PLEKHA7: variants seen among roughly 807,000 people sequenced by gnomAD.
The protein encoded by PLEKHA7 is pleckstrin homology domain-containing family A member 7.
A neutral mutation model predicts 170.0 loss-of-function variants in PLEKHA7; 104 were observed. The ratio of observed to expected loss-of-function variants is 0.61; its 90% CI spans 0.52 to 0.72. PLEKHA7 has a LOEUF of 0.72. PLEKHA7 is among the 30% of genes least tolerant of loss of function. PLEKHA7 has a pLI of 0.00. For missense variants in PLEKHA7, 1,615 were observed against 1,671.7 expected, an observed-to-expected ratio of 0.97 and a Z score of 0.59; for synonymous variants, 648 against 660.8, an observed-to-expected ratio of 0.98 and a Z score of 0.30.
chr11:16,797,296 C>G (rs1181684634), intron 17 of PLEKHA7, among the ~76,000 whole-genome samples: 1 of 152,056 alleles, frequency 6.6e-6, no homozygotes, highest in Non-Finnish European at 1.5e-5. Flanking sequence ...CTTGGTCCCA[C>G]CCCATGGACT....
At chr11:16,844,897 T>C (rs763782518) in intron 8 of PLEKHA7, among the ~76,000 whole-genome samples, 3 of 152,224 alleles carry the variant, frequency 2.0e-5, no homozygotes, top group South Asian at 2.1e-4. Flanking sequence ...GAATCATTTA[T>C]TGAGTATTTA....
intron 3 of PLEKHA7, among the ~76,000 whole-genome samples, chr11:16,925,772 G>A (rs1477660611): frequency 1.3e-5 from 2 of 152,244 alleles, no homozygotes; most frequent in Non-Finnish European, 2.9e-5. Flanking sequence ...ATCAAAGCAC[G>A]TGGCGCAGCG....
intron 3 of PLEKHA7, among the ~76,000 whole-genome samples, chr11:16,879,117 C>A (rs558697788): frequency 6.6e-6 from 1 of 152,122 alleles, no homozygotes; most frequent in Non-Finnish European, 1.5e-5. Context: ...ATCTCCTTTG[C>A]GTGAACTGGG....
In PLEKHA7 at chr11:16,868,385, C is replaced by T. The variant is rs560536178; in HGVS notation, c.305+2714G>A. 1.1e-4 allele frequency among the ~76,000 whole-genome samples: 17 copies of T among 152,196 alleles called. No homozygotes were observed. The East Asian group carries it at 3.3e-3, about 29-fold the overall frequency. ...CTAATCTGTAAAATGAGAAACTATC[C>T]TTTGAGGGGCATGCACACATTATTC... On this transcript the variant is annotated intron_variant, in intron 4 of 26. Coordinates refer to ENST00000531066, the MANE Select transcript of PLEKHA7 (RefSeq NM_001329630.2).
At chr11:16,953,038 G>A (rs564028369) in intron 3 of PLEKHA7, among the ~76,000 whole-genome samples, 5 of 152,388 alleles carry the variant, frequency 3.3e-5, no homozygotes, top group Admixed American at 6.5e-5. Context: ...GTCAGCCCAA[G>A]ATTTGGGGAA....
At chr11:16,844,189 C>A (rs1852201358) in intron 8 of PLEKHA7, among the ~76,000 whole-genome samples, 2 of 152,150 alleles carry the variant, frequency 1.3e-5, no homozygotes, top group Non-Finnish European at 2.9e-5. Context: ...ATTCATGGAG[C>A]CAGCCTTGTC....
chr11:16,853,259 G>C (rs1306765702), intron 6 of PLEKHA7, among the ~76,000 whole-genome samples: 1 of 152,168 alleles, frequency 6.6e-6, no homozygotes, highest in Non-Finnish European at 1.5e-5. Flanking sequence ...TTTTTGACAA[G>C]CTTGAAAAAC....
intron 25 of PLEKHA7, 118 bp downstream of exon 25, chr11:16,783,582 C>T: frequency 4.3e-6 from 5 of 1,161,034 alleles, no homozygotes; most frequent in Non-Finnish European, 5.6e-6. Context: ...GTAGGGCTTA[C>T]CTGAGACGAA....
intron 6 of PLEKHA7, among the ~76,000 whole-genome samples, chr11:16,853,620 T>C (rs1422664381): frequency 1.3e-5 from 2 of 152,210 alleles, no homozygotes; most frequent in African/African-American, 4.8e-5. Context: ...AATACTTCCC[T>C]CTCTCTCCAT....
chr11:16,989,300 G>GT (rs764161384), intron 3 of PLEKHA7, among the ~76,000 whole-genome samples: 1 of 152,154 alleles, frequency 6.6e-6, no homozygotes, highest in Non-Finnish European at 1.5e-5. Flanking sequence ...TCCTGGTCCT[G>GT]TCACTTATTT....
At chr11:16,867,462 AAAAG>A (rs1854484734) in intron 4 of PLEKHA7, among the ~76,000 whole-genome samples, 2 of 152,210 alleles carry the variant, frequency 1.3e-5, no homozygotes, top group Non-Finnish European at 2.9e-5. Flanking sequence ...TTGGAGAAGA[AAAAG>A]AAAGGAGCCA....
chr11:16,889,420 A>AAAAAATATATATAT (rs61086849), intron 3 of PLEKHA7, among the ~76,000 whole-genome samples: 1 of 74,666 alleles, frequency 1.3e-5, no homozygotes, highest in African/African-American at 6.3e-5. Context: ...AAAAAAAAAA[A>AAAAAATATATATAT]ATATATATAT....
intron 3 of PLEKHA7, among the ~76,000 whole-genome samples, chr11:16,947,388 C>G (rs945973932): frequency 3.3e-5 from 5 of 151,680 alleles, no homozygotes; most frequent in African/African-American, 1.2e-4. Flanking sequence ...GTCAGGAGTT[C>G]GAGACCAGCC....
chr11:16,966,359 A>G (rs891930927), intron 3 of PLEKHA7, among the ~76,000 whole-genome samples: 16 of 151,886 alleles, frequency 1.1e-4, no homozygotes, highest in African/African-American at 3.6e-4. Flanking sequence ...GAAACACCCC[A>G]GGTATCTCAC....
At chr11:16,803,319 A>G in intron 13 of PLEKHA7, 24 bp from the exon 14 acceptor site, 1 of 1,596,814 alleles carries the variant, frequency 6.3e-7, no homozygotes, top group Non-Finnish European at 8.6e-7. Context: ...AATTTAAAAG[A>G]GATTTAACCA....
chr11:17,013,896 C>A, intron 3 of PLEKHA7, 93 bp downstream of exon 3: 1 of 1,351,026 alleles, frequency 7.4e-7, no homozygotes, highest in Non-Finnish European at 9.7e-7. Context: ...CCCGGGCCGG[C>A]GGGAGCAGAG....
intron 15 of PLEKHA7, 85 bp from the exon 16 acceptor site, chr11:16,801,902 T>C: frequency 6.4e-7 from 1 of 1,552,152 alleles, no homozygotes; most frequent in Non-Finnish European, 8.8e-7. Context: ...CCAAAGCTAC[T>C]GGACCTAACC....
Position 16,791,885 on chromosome 11 carries a change from T to G in PLEKHA7, c.2746-686A>C, listed in dbSNP as rs887272072. ...CCACAGTGTTCTGTGAGGGCTGTGG[T>G]TCCTCTACATATCAACAGACCGGCC... On this transcript the variant is annotated intron_variant, in intron 19 of 26. Coordinates refer to ENST00000531066, the MANE Select transcript of PLEKHA7 (RefSeq NM_001329630.2). This position sits in a 1 kb window ranked among gnomAD's most constrained non-coding sequence, Gnocchi z 4.5. Among the ~76,000 whole-genome samples the G allele has an allele frequency of 1.3e-5, 2 of 152,128 alleles. No homozygotes were observed. The highest frequency in any genetic ancestry group is 4.8e-5 in the African/African-American group (2 of 41,430).
chr11:16,874,891 T>G (rs1238604707), intron 3 of PLEKHA7, among the ~76,000 whole-genome samples: 1 of 152,148 alleles, frequency 6.6e-6, no homozygotes, highest in Non-Finnish European at 1.5e-5. Flanking sequence ...TGACCACCAC[T>G]TCATATACAC....
Sources: gnomAD v4.1 joint callset for allele counts (sites outside exome capture counted in the v4.1 genomes callset) on GRCh38, gnomAD v4.1.1 for gene constraint, Gnocchi (gnomAD v3.1) non-coding constraint, MANE v1.5 for transcripts, NCBI Gene and HGNC (gene_info 2026-07-23, HGNC 2026-07-21) for gene names.